Variants in PPP2R3B observed in about 807,000 individuals in gnomAD.
The protein encoded by PPP2R3B is protein phosphatase 2 regulatory subunit B''beta, also known as serine/threonine-protein phosphatase 2A regulatory subunit B'' subunit beta.
Under a neutral mutation model 72.9 loss-of-function variants are expected in PPP2R3B, and 68 were observed. The observed-to-expected ratio is 0.93, with a 90% confidence interval of 0.77 to 1.14. The LOEUF (loss-of-function observed/expected upper bound fraction) is 1.14, where lower values mean the gene tolerates loss of function less well. PPP2R3B is among the 50% of genes most tolerant of loss of function. The pLI is 0.00. For missense variants in PPP2R3B, 1,018 were observed against 842.0 expected, an observed-to-expected ratio of 1.21 and a Z score of -2.59; for synonymous variants, 466 against 375.8, an observed-to-expected ratio of 1.24 and a Z score of -2.78.
intron 1 of PPP2R3B, among the ~76,000 whole-genome samples, chrX:363,246 C>A (rs1603094100): frequency 7.1e-6 from 1 of 141,470 alleles, no homozygotes; most frequent in Admixed American, 6.9e-5. Flanking sequence ...AGTGCATCTC[C>A]CCGAGCCCAT....
chrX:351,811 C>T (rs1264676912), intron 2 of PPP2R3B, among the ~76,000 whole-genome samples: 1 of 152,198 alleles, frequency 6.6e-6, no homozygotes, highest in Non-Finnish European at 1.5e-5. Context: ...AATCCTCCCA[C>T]CTTAGCCTCC....
chrX:373,659 C>T, intron 1 of PPP2R3B: 1 of 260,922 alleles, frequency 3.8e-6, no homozygotes. Flanking sequence ...GAGTCGCATG[C>T]CGCCGGCGCG....
At position 386,863 on chromosome X, in the gene PPP2R3B, C is replaced by T. The variant is rs1440007339; in HGVS notation, c.-172G>A. 3 of 237,048 alleles carry T rather than the reference C, an allele frequency of 1.3e-5. No homozygotes were observed. The highest frequency in any genetic ancestry group is 2.3e-5 in the African/African-American group (1 of 43,280). 14.7% of individuals were successfully genotyped at this position (237,048 alleles called of 1,614,324 possible). ...TGCGCGGACTCGCGGGGCGCGGGGA[C>T]CGAGGAGGGGGCGCGGTCCGGCCCG... On this transcript the variant is annotated 5_prime_UTR_variant, in exon 1 of 13. Transcript: ENST00000390665.
At chrX:364,301 C>A (rs952314548) in intron 1 of PPP2R3B, among the ~76,000 whole-genome samples, 29 of 152,090 alleles carry the variant, frequency 1.9e-4, no homozygotes, top group African/African-American at 6.5e-4. Context: ...GGGGGGAGTT[C>A]TCCCCCGAGA....
chrX:378,349 C>T (rs778290815), intron 1 of PPP2R3B, among the ~76,000 whole-genome samples: 82 of 152,320 alleles, frequency 5.4e-4, no homozygotes, highest in African/African-American at 1.9e-3. Flanking sequence ...ACTAAACATA[C>T]ATTTGTTCAG....
At chrX:374,146 C>T (rs1174133257) in intron 1 of PPP2R3B, 1 of 151,346 alleles carries the variant, frequency 6.6e-6, no homozygotes, top group Non-Finnish European at 1.5e-5. Flanking sequence ...GCGGAACGCG[C>T]ATCAACAGGT....
intron 7 of PPP2R3B, among the ~76,000 whole-genome samples, chrX:344,110 T>G (rs183861289): frequency 0.31 from 4,270 of 13,622 alleles, 334 homozygotes; most frequent in Middle Eastern, 0.62. Context: ...GAGGCGGGAG[T>G]GAGACCTCAC....
At chrX:347,778 G>T in intron 2 of PPP2R3B, 85 bp from the exon 3 acceptor site, 4 of 980,412 alleles carry the variant, frequency 4.1e-6, no homozygotes, top group East Asian at 2.7e-5. Flanking sequence ...GACCGACGCC[G>T]CCCAGAGACC....
In PPP2R3B at chrX:386,533, CTCCCCGTCCCCCGGGGTCGGCTGG is replaced by C. The variant is rs2072256357; in HGVS notation, c.135_158del (p.Asp45_Gly52del). ...GGGCTGTGGGCCAGGCCCCGGGCTG[CTCCCCGTCCCCCGGGGTCGGCTGG>C]TCCCGCCCGGGCGCCTTGATCCGGC... On this transcript the variant is annotated inframe_deletion, in exon 1 of 13. Transcript: ENST00000390665. 1 of 1,428,828 alleles carries C rather than the reference CTCCCCGTCCCCCGGGGTCGGCTGG, an allele frequency of 7.0e-7. No homozygotes were observed. The highest frequency in any genetic ancestry group is 3.2e-5 in the East Asian group (1 of 31,716). 88.5% of individuals were successfully genotyped at this position (1,428,828 alleles called of 1,614,324 possible).
intron 2 of PPP2R3B, among the ~76,000 whole-genome samples, chrX:360,875 G>A (rs994411504): frequency 6.6e-6 from 1 of 152,232 alleles, no homozygotes; most frequent in African/African-American, 2.4e-5. Context: ...AGCCTGGAGA[G>A]CATGCAGCTG....
intron 7 of PPP2R3B, 171 bp from the exon 8 acceptor site, chrX:342,102 C>A: frequency 2.8e-6 from 2 of 724,958 alleles, no homozygotes; most frequent in South Asian, 3.2e-5. Context: ...AGGGGCCCAC[C>A]ACGCTTTCCC....
chrX:344,802 G>C (rs1401418937), intron 7 of PPP2R3B: 1 of 290,136 alleles, frequency 3.4e-6, no homozygotes, highest in Admixed American at 4.9e-5. Flanking sequence ...ACGCGACCCA[G>C]GACCAGCCCC....
At chrX:380,002 CG>C (rs1385817113) in intron 1 of PPP2R3B, among the ~76,000 whole-genome samples, 1 of 152,060 alleles carries the variant, frequency 6.6e-6, no homozygotes. Flanking sequence ...CACAATTCCA[CG>C]GGGGGAGAAA....
Position 340,756 on chromosome X carries a change from G to A in PPP2R3B, c.1351+9C>T, listed in dbSNP as rs1457275300. The stretch of plus-strand genomic sequence containing the variant: ...CCTCACCCTGGGCCATGCCCTCACG[G>A]GGCATCACCTTCAGTCCTCGGCTTG... On this transcript the variant is annotated intron_variant, in intron 10 of 12. Coordinates refer to ENST00000390665, the MANE Select transcript of PPP2R3B (RefSeq NM_013239.5). 3.4e-6 allele frequency: 4 copies of A among 1,189,246 alleles called. No homozygotes were observed. Among genetic ancestry groups the A allele is most frequent in the South Asian group, 1.7e-5 (1 of 58,830 alleles). 73.7% of individuals were successfully genotyped at this position (1,189,246 alleles called of 1,614,324 possible).
intron 1 of PPP2R3B, among the ~76,000 whole-genome samples, chrX:372,962 C>T (rs986850360): frequency 6.6e-6 from 1 of 152,114 alleles, no homozygotes; most frequent in Admixed American, 6.5e-5. Flanking sequence ...TTCAAAGCCA[C>T]TGAGTTACTG....
chrX:341,020 CG>C lies in PPP2R3B; in HGVS notation c.1176-81del. ...CTGCAGCCCCTGAGGCAGCCCCCAC[CG>C]GGGGTGCACGCGTCCCCGCTGTGCC... On this transcript the variant is annotated intron_variant, in intron 9 of 12. Transcript: ENST00000390665. The C allele has an allele frequency of 2.0e-6, 3 of 1,532,864 alleles. 1 individual carries two copies. Among genetic ancestry groups the C allele is most frequent in the Admixed American group, 1.8e-5 (1 of 56,408 alleles). The allele number at this position is 1,532,864 out of a possible 1,614,324, so 95.0% of individuals were successfully genotyped here. A position where few individuals can be genotyped will look rare whatever the true frequency, so the allele number is the denominator to read the frequency against.
intron 1 of PPP2R3B, among the ~76,000 whole-genome samples, chrX:364,699 C>G: frequency 1.6e-5 from 1 of 62,844 alleles, no homozygotes; most frequent in Non-Finnish European, 2.7e-5. Context: ...GCCTGGGCGA[C>G]AGAGTGAGAC....
chrX:345,383 G>A lies in PPP2R3B; in HGVS notation c.1036+133C>T, dbSNP rs754164603. 4.9e-6 allele frequency: 6 copies of A among 1,213,928 alleles called. No homozygotes were observed. The South Asian group carries it at 6.6e-5, about 13-fold the overall frequency. The allele number at this position is 1,213,928 out of a possible 1,614,324, so 75.2% of individuals were successfully genotyped here. The stretch of plus-strand genomic sequence containing the variant: ...GAGGCAGCTGCAGACACAGAGCGGC[G>A]AGTGCGAAGGAGAGGCAGCTGCAGA... On this transcript the variant is annotated intron_variant, in intron 7 of 12. Coordinates refer to ENST00000390665, the MANE Select transcript of PPP2R3B (RefSeq NM_013239.5).
At chrX:352,626 C>T (rs1374788211) in intron 2 of PPP2R3B, among the ~76,000 whole-genome samples, 1 of 151,706 alleles carries the variant, frequency 6.6e-6, no homozygotes, top group Admixed American at 6.6e-5. Flanking sequence ...GCTCCCTGAG[C>T]AGGAAACACC....
Sources: gnomAD v4.1 joint callset for allele counts (sites outside exome capture counted in the v4.1 genomes callset) on GRCh38, gnomAD v4.1.1 for gene constraint, MANE v1.5 for transcripts, NCBI Gene and HGNC (gene_info 2026-07-23, HGNC 2026-07-21) for gene names.